The following LRP1B variants were observed in gnomAD, a reference collection of about 807,000 sequenced individuals.
The protein encoded by LRP1B is low-density lipoprotein receptor-related protein 1B.
Under a neutral mutation model 556.6 loss-of-function variants are expected in LRP1B, and 217 were observed. That is an observed-to-expected ratio of 0.39 (90% CI 0.35 to 0.44). The LOEUF (loss-of-function observed/expected upper bound fraction) is 0.44, where lower values mean the gene tolerates loss of function less well. Ranked by LOEUF, LRP1B falls within the 20% of genes least tolerant of loss-of-function variation. LRP1B has a pLI of 1.00. For missense variants in LRP1B, 5,053 were observed against 5,620.8 expected (o/e 0.90, Z 3.23); for synonymous variants, 2,047 against 1,865.8 (o/e 1.10, Z -2.50).
intron 6 of LRP1B, among the ~76,000 whole-genome samples, chr2:141,213,990 T>C (rs533752708): frequency 1.3e-5 from 2 of 152,194 alleles, no homozygotes; most frequent in African/African-American, 2.4e-5. Flanking sequence ...ACTATAAAAA[T>C]AGTTGCTATA....
intron 3 of LRP1B, among the ~76,000 whole-genome samples, chr2:141,323,615 T>C (rs934330865): frequency 2.0e-5 from 3 of 152,062 alleles, no homozygotes; most frequent in African/African-American, 4.8e-5. Context: ...AAAATCCTTT[T>C]TTATCACTAA....
intron 41 of LRP1B, among the ~76,000 whole-genome samples, chr2:140,616,182 T>G (rs1366832088): frequency 6.6e-6 from 1 of 151,994 alleles, no homozygotes; most frequent in Non-Finnish European, 1.5e-5. Context: ...CCTGTAGTTA[T>G]TAGCAGTCAG....
At chr2:140,559,670 C>T (rs1184352070) in intron 43 of LRP1B, among the ~76,000 whole-genome samples, 3 of 148,438 alleles carry the variant, frequency 2.0e-5, no homozygotes, top group Non-Finnish European at 4.5e-5. Flanking sequence ...TATGGGGGGA[C>T]ATTGGAGAAA....
chr2:141,957,392 G>T (rs1230615561), intron 1 of LRP1B, among the ~76,000 whole-genome samples: 1 of 123,470 alleles, frequency 8.1e-6, no homozygotes, highest in Non-Finnish European at 1.7e-5. Flanking sequence ...GTGGGGGGGG[G>T]GGGGCGGGGG....
intron 2 of LRP1B, among the ~76,000 whole-genome samples, chr2:141,663,111 C>T (rs1279772998): frequency 6.6e-6 from 1 of 152,078 alleles, no homozygotes; most frequent in East Asian, 1.9e-4. Context: ...GAAATTAAGG[C>T]AGAAATCAAG....
intron 14 of LRP1B, among the ~76,000 whole-genome samples, chr2:141,008,840 G>A (rs1221728148): frequency 1.3e-5 from 2 of 151,892 alleles, no homozygotes; most frequent in Non-Finnish European, 2.9e-5. Flanking sequence ...GCAGGCACAG[G>A]TACAAGTTTG....
intron 41 of LRP1B, among the ~76,000 whole-genome samples, chr2:140,682,527 T>A (rs1322634830): frequency 6.6e-6 from 1 of 152,166 alleles, no homozygotes; most frequent in Non-Finnish European, 1.5e-5. Flanking sequence ...GGTATACTGA[T>A]GAGCAAGGCA....
intron 35 of LRP1B, among the ~76,000 whole-genome samples, chr2:140,722,802 G>C (rs1032232531): frequency 6.6e-6 from 1 of 152,186 alleles, no homozygotes; most frequent in Non-Finnish European, 1.5e-5. Flanking sequence ...CCAACACTTT[G>C]GGAGGCCGAG....
At chr2:142,006,148 C>T (rs1038467994) in intron 1 of LRP1B, among the ~76,000 whole-genome samples, 1 of 152,046 alleles carries the variant, frequency 6.6e-6, no homozygotes, top group Admixed American at 6.6e-5. Context: ...ATTTCTATTG[C>T]TAGAAAAACG....
chr2:140,571,898 G>A (rs182886408), intron 43 of LRP1B, among the ~76,000 whole-genome samples: 1 of 151,654 alleles, frequency 6.6e-6, no homozygotes, highest in Non-Finnish European at 1.5e-5. Context: ...ATTGATTGGG[G>A]ATAGTCCCCT....
rs78681069 is a variant in LRP1B at position 140,241,293 on chromosome 2, A to G, written c.13325-1761T>C. Among the ~76,000 whole-genome samples, 1,274 of 150,966 alleles carry G rather than the reference A, an allele frequency of 8.4e-3. 62 individuals carry two copies. In the East Asian group the frequency reaches 0.14, roughly 16 times the overall value. On this transcript the variant is annotated intron_variant, in intron 87 of 90. Coordinates refer to ENST00000389484, the MANE Select transcript of LRP1B (RefSeq NM_018557.3). Reference sequence around the variant, plus strand: ...GTTCACAAGTTTTAAATACCAGAGAACAGCTTGGTTTCTTCAAAAACTATG... The same window carrying G: ...GTTCACAAGTTTTAAATACCAGAGAGCAGCTTGGTTTCTTCAAAAACTATG...
chr2:141,009,180 G>A (rs541045578), intron 14 of LRP1B, among the ~76,000 whole-genome samples: 7 of 151,600 alleles, frequency 4.6e-5, no homozygotes, highest in African/African-American at 1.7e-4. Flanking sequence ...GTGAAACTAT[G>A]GGGATTCTCT....
chr2:140,978,200 A>T (rs1462762804), intron 18 of LRP1B, among the ~76,000 whole-genome samples: 2 of 152,228 alleles, frequency 1.3e-5, no homozygotes, highest in Admixed American at 6.5e-5. Context: ...ATTAACTCGT[A>T]AAGGCAAATG....
chr2:141,248,067 G>A (rs1684132245), intron 4 of LRP1B, among the ~76,000 whole-genome samples: 1 of 152,022 alleles, frequency 6.6e-6, no homozygotes, highest in South Asian at 2.1e-4. Flanking sequence ...AATTAGCCAG[G>A]CACAATGGTG....
intron 1 of LRP1B, among the ~76,000 whole-genome samples, chr2:141,952,510 G>A (rs1364683320): frequency 6.6e-6 from 1 of 152,054 alleles, no homozygotes; most frequent in East Asian, 1.9e-4. Flanking sequence ...TTCATCCCTT[G>A]GAATATTGAA....
chr2:141,013,907 A>AT (rs901321765), intron 13 of LRP1B, among the ~76,000 whole-genome samples, 162 bp from the exon 14 acceptor site: 2 of 152,056 alleles, frequency 1.3e-5, no homozygotes, highest in East Asian at 1.9e-4. Context: ...ATGTGAGCAT[A>AT]TTTTTTGTTT....
intron 5 of LRP1B, among the ~76,000 whole-genome samples, chr2:141,245,246 A>G (rs929436303): frequency 6.6e-6 from 1 of 152,250 alleles, no homozygotes; most frequent in Admixed American, 6.5e-5. Context: ...ATAGGACTTC[A>G]TAAATCAAGT....
Position 140,797,491 on chromosome 2 carries a change from C to A in LRP1B, c.5359+16166G>T, listed in dbSNP as rs368017317. Among the ~76,000 whole-genome samples the A allele has an allele frequency of 2.4e-4, 36 of 151,932 alleles. No homozygotes were observed. The East Asian group carries it at 6.8e-3, about 28-fold the overall frequency. ...AGCTTGAAATATTTACTAGAAATTT[C>A]TCTTATTAAAATGCATAATAATAGT... On this transcript the variant is annotated intron_variant, in intron 32 of 90. Coordinates refer to ENST00000389484, the MANE Select transcript of LRP1B (RefSeq NM_018557.3).
intron 61 of LRP1B, 118 bp downstream of exon 61, chr2:140,457,345 A>C: frequency 1.3e-6 from 1 of 797,262 alleles, no homozygotes. Flanking sequence ...GATGCTAAAT[A>C]ATTAAATCTA....
Sources: gnomAD v4.1 joint callset for allele counts (sites outside exome capture counted in the v4.1 genomes callset) on GRCh38, gnomAD v4.1.1 for gene constraint, MANE v1.5 for transcripts, NCBI Gene and HGNC (gene_info 2026-07-23, HGNC 2026-07-21) for gene names.